CTDSPL: variants seen among roughly 807,000 people sequenced by gnomAD.
CTDSPL encodes the protein CTD small phosphatase-like protein.
Under a neutral mutation model 30.5 loss-of-function variants are expected in CTDSPL, and 8 were observed. The observed-to-expected ratio is 0.26, with a 90% CI of 0.15 to 0.47. CTDSPL has a LOEUF of 0.47. Among genes scored for constraint, CTDSPL ranks in the 20% least tolerant of loss-of-function variants. The pLI is 0.99. For synonymous variants in CTDSPL, 110 were observed against 137.9 expected (o/e 0.80, Z 1.42); for missense variants, 248 against 366.1 (o/e 0.68, Z 2.63).
rs1214180657 is a variant in CTDSPL at position 37,912,013 on chromosome 3, G to T, written c.80-35044G>T. On this transcript the variant is annotated intron_variant, in intron 1 of 7. Coordinates refer to ENST00000273179, the MANE Select transcript of CTDSPL (RefSeq NM_001008392.2). ...GGAGGCAGAGGTTGCTGTGAGCCAA[G>T]TTTGCACCACTGAACTCCAGCCTGG... is the stretch of plus-strand genomic sequence containing the variant. 3.3e-5 allele frequency among the ~76,000 whole-genome samples: 5 copies of T among 152,230 alleles called. No homozygotes were observed. In the East Asian group the frequency reaches 9.6e-4, roughly 29 times the overall value.
At chr3:37,911,867 T>C (rs1248951776) in intron 1 of CTDSPL, 3 of 342,250 alleles carry the variant, frequency 8.8e-6, no homozygotes, top group Non-Finnish European at 1.8e-5. Context: ...GAGACCAACC[T>C]GGGCAACATG....
chr3:37,941,358 G>A (rs1162230775), intron 1 of CTDSPL, among the ~76,000 whole-genome samples: 1 of 149,566 alleles, frequency 6.7e-6, no homozygotes, highest in Non-Finnish European at 1.5e-5. Context: ...GGGTATCTGT[G>A]CCCATGGCAT....
intron 1 of CTDSPL, among the ~76,000 whole-genome samples, chr3:37,879,527 G>A (rs1387525849): frequency 6.6e-6 from 1 of 152,202 alleles, no homozygotes; most frequent in African/African-American, 2.4e-5. Flanking sequence ...TTCTCCTTCT[G>A]TGCCACTTGT....
At chr3:37,908,795 C>T (rs1464905599) in intron 1 of CTDSPL, among the ~76,000 whole-genome samples, 2 of 152,154 alleles carry the variant, frequency 1.3e-5, no homozygotes, top group Non-Finnish European at 2.9e-5. Context: ...TCTATAAGTT[C>T]TTAATTGCCA....
chr3:37,967,692 G>A (rs1319307779), intron 4 of CTDSPL, 134 bp from the exon 5 acceptor site: 1 of 607,552 alleles, frequency 1.6e-6, no homozygotes, highest in Non-Finnish European at 2.9e-6. Flanking sequence ...ACCAAGGCAT[G>A]CTTCATCATC....
rs1243768406 is a variant in CTDSPL at position 37,982,523 on chromosome 3, G to C, written c.*1656G>C. 1.3e-5 allele frequency: 6 copies of C among 456,524 alleles called. No individual in the cohort carries two copies. The highest frequency in any genetic ancestry group is 8.0e-5 in the African/African-American group (4 of 50,072). 28.3% of individuals were successfully genotyped at this position (456,524 alleles called of 1,614,324 possible). A position where few individuals can be genotyped will look rare whatever the true frequency, so the allele number is the denominator to read the frequency against. ...CTGGCATTAACAAGACTGGAAATCG[G>C]GGGTCAAAGTAAAATATCTTTGTTT... On this transcript the variant is annotated 3_prime_UTR_variant, in exon 8 of 8. Transcript: ENST00000273179.
intron 1 of CTDSPL, among the ~76,000 whole-genome samples, chr3:37,931,752 G>T (rs1698857321): frequency 6.6e-6 from 1 of 151,838 alleles, no homozygotes; most frequent in African/African-American, 2.4e-5. Flanking sequence ...CTGATAAACA[G>T]GGCCAATCTT....
At position 37,975,069 on chromosome 3, in the gene CTDSPL, G is replaced by A. The variant is rs1393947493; in HGVS notation, c.520-640G>A. On this transcript the variant is annotated intron_variant, in intron 6 of 7. Transcript: ENST00000273179. This position sits in a 1 kb window ranked among gnomAD's most constrained non-coding sequence, Gnocchi z 4.9. The stretch of plus-strand genomic sequence containing the variant: ...GATAGATGTGGCTCTAGGTGGATGG[G>A]AGAGGAAGTCAAGACCTGAAAAACC... Among the ~76,000 whole-genome samples, 1 of 152,222 alleles carries A rather than the reference G, an allele frequency of 6.6e-6. No individual in the cohort carries two copies. The highest frequency in any genetic ancestry group is 6.5e-5 in the Admixed American group (1 of 15,286).
chr3:37,964,561 T>C lies in CTDSPL; in HGVS notation c.268-10T>C, dbSNP rs766233942. Reference sequence around the variant, plus strand: ...CATAAATGTAATACTGATTTATTTTTCCCCTTTAGCCACCAGCTAAGTACC... The same window carrying C: ...CATAAATGTAATACTGATTTATTTTCCCCCTTTAGCCACCAGCTAAGTACC... On this transcript the variant is annotated splice_polypyrimidine_tract_variant and intron_variant, in intron 3 of 7. Coordinates refer to ENST00000273179, the MANE Select transcript of CTDSPL (RefSeq NM_001008392.2). The C allele has an allele frequency of 1.3e-6, 2 of 1,591,832 alleles. No homozygotes were observed. The highest frequency in any genetic ancestry group is 2.2e-5 in the South Asian group (2 of 90,460).
chr3:37,980,364 C>T (rs1225385717), intron 7 of CTDSPL, among the ~76,000 whole-genome samples: 1 of 152,198 alleles, frequency 6.6e-6, no homozygotes, highest in African/African-American at 2.4e-5. Flanking sequence ...GGCTTGTAAG[C>T]TCTGGCTCCA....
chr3:37,921,199 G>A (rs9869652), intron 1 of CTDSPL, among the ~76,000 whole-genome samples: 46,392 of 152,104 alleles, frequency 0.31, 8,897 homozygotes, highest in African/African-American at 0.54. Flanking sequence ...TTCCCCCCAG[G>A]TAACAGAGTC....
rs999492146 is a variant in CTDSPL at position 37,911,822 on chromosome 3, G to T, written c.80-35235G>T. 60 of 424,814 alleles carry T rather than the reference G, an allele frequency of 1.4e-4. 2 individuals carry two copies. Among genetic ancestry groups the T allele is most frequent in the South Asian group, 9.8e-4 (59 of 60,354 alleles). 26.3% of individuals were successfully genotyped at this position (424,814 alleles called of 1,614,324 possible). On this transcript the variant is annotated intron_variant, in intron 1 of 7. Transcript: ENST00000273179. ...GCCTATAATCCCAGCACTTTGGGAG[G>T]CCAAGGTGGGTGGATCACTTGAGTT...
intron 1 of CTDSPL, among the ~76,000 whole-genome samples, chr3:37,914,214 T>A (rs530795227): frequency 6.6e-6 from 1 of 152,218 alleles, no homozygotes; most frequent in Non-Finnish European, 1.5e-5. Context: ...CAACTGAAAA[T>A]TTTTCCTTTT....
chr3:37,955,334 A>G (rs1423032870), intron 2 of CTDSPL, among the ~76,000 whole-genome samples: 4 of 152,210 alleles, frequency 2.6e-5, no homozygotes, highest in Non-Finnish European at 5.9e-5. Context: ...AGGCTGAGGC[A>G]GGAGGATGGC....
chr3:37,892,777 G>A (rs952578329), intron 1 of CTDSPL, among the ~76,000 whole-genome samples: 2 of 152,138 alleles, frequency 1.3e-5, no homozygotes, highest in Non-Finnish European at 1.5e-5. Flanking sequence ...ACAGAAGTGG[G>A]GGGGATAGTA....
rs1057366052 is a variant in CTDSPL at position 37,984,366 on chromosome 3, G to A, written c.*3499G>A. 6.7e-6 allele frequency: 3 copies of A among 449,162 alleles called. No homozygotes were observed. The highest frequency in any genetic ancestry group is 6.0e-5 in the African/African-American group (3 of 49,950). 27.8% of individuals were successfully genotyped at this position (449,162 alleles called of 1,614,324 possible). ...GTGATAAACAATCCAGCATTACTTA[G>A]GAAATGCTACATGCGGAATGTGCAC... is the stretch of plus-strand genomic sequence containing the variant. On this transcript the variant is annotated 3_prime_UTR_variant, in exon 8 of 8. Coordinates refer to ENST00000273179, the MANE Select transcript of CTDSPL (RefSeq NM_001008392.2).
chr3:37,981,013 G>T lies in CTDSPL; in HGVS notation c.*146G>T. ...GAATGTGGCCATGCCTACCTGTTTTGTTTTTTTAAGAACAGAAACAACTAT... is the reference window on the plus strand; with the variant it reads ...GAATGTGGCCATGCCTACCTGTTTTTTTTTTTTAAGAACAGAAACAACTAT... On this transcript the variant is annotated 3_prime_UTR_variant, in exon 8 of 8. Transcript: ENST00000273179. The T allele has an allele frequency of 1.2e-6, 1 of 825,608 alleles. No homozygotes were observed. Among genetic ancestry groups the T allele is most frequent in the Non-Finnish European group, 1.6e-6 (1 of 609,362 alleles). 51.1% of individuals were successfully genotyped at this position (825,608 alleles called of 1,614,324 possible).
At chr3:37,967,723 C>T in intron 4 of CTDSPL, 103 bp from the exon 5 acceptor site, 1 of 767,698 alleles carries the variant, frequency 1.3e-6, no homozygotes, top group Non-Finnish European at 2.1e-6. Flanking sequence ...ACTGTTTTTT[C>T]CAATAACCAA....
intron 1 of CTDSPL, among the ~76,000 whole-genome samples, chr3:37,904,754 C>T (rs1306729812): frequency 1.3e-5 from 2 of 152,184 alleles, no homozygotes; most frequent in Non-Finnish European, 2.9e-5. Context: ...TTGCATCAGA[C>T]AGACCTGATC....
Sources: gnomAD v4.1 joint callset for allele counts (sites outside exome capture counted in the v4.1 genomes callset) on GRCh38, gnomAD v4.1.1 for gene constraint, Gnocchi (gnomAD v3.1) non-coding constraint, MANE v1.5 for transcripts, NCBI Gene and HGNC (gene_info 2026-07-23, HGNC 2026-07-21) for gene names.